Variants in GPR55 observed in about 807,000 individuals in gnomAD.
GPR55 encodes G-protein coupled receptor 55.
GPR55 carries 6 observed loss-of-function variants against 7.9 expected under a neutral mutation model. The ratio of observed to expected loss-of-function variants is 0.76; its 90% CI spans 0.41 to 1.49. The LOEUF is 1.49. Among genes scored for constraint, GPR55 ranks in the 40% most tolerant of loss-of-function variants. The pLI, the probability that GPR55 is intolerant of heterozygous loss-of-function variation, is 0.01. For missense variants in GPR55, 376 were observed against 406.0 expected (o/e 0.93, Z 0.63); for synonymous variants, 183 against 166.8 (o/e 1.10, Z -0.75).
chr2:230,952,647 G>A (rs965693845), intron 1 of GPR55, among the ~76,000 whole-genome samples: 12 of 152,218 alleles, frequency 7.9e-5, no homozygotes, highest in Admixed American at 7.2e-4. Flanking sequence ...GAAGCTCAGG[G>A]ACTGCAGAGA....
At chr2:230,920,424 A>G (rs1690806525) in intron 1 of GPR55, among the ~76,000 whole-genome samples, 1 of 152,180 alleles carries the variant, frequency 6.6e-6, no homozygotes, top group Admixed American at 6.5e-5. Context: ...TGGGAGTGTC[A>G]AGTGAGACAG....
intron 1 of GPR55, among the ~76,000 whole-genome samples, chr2:230,938,289 T>C (rs904569738): frequency 6.8e-6 from 1 of 147,954 alleles, no homozygotes; most frequent in Non-Finnish European, 1.5e-5. Flanking sequence ...GCCATCAGAG[T>C]GGGCTTTATA....
exon 1 of GPR55, chr2:230,960,862 G>A (rs1162697449): frequency 2.0e-5 from 3 of 152,082 alleles, no homozygotes; most frequent in African/African-American, 7.2e-5. Flanking sequence ...TGAGTGTTTG[G>A]GCTAGCTTAA....
At chr2:230,913,536 A>G (rs1690640556) in intron 1 of GPR55, among the ~76,000 whole-genome samples, 1 of 152,202 alleles carries the variant, frequency 6.6e-6, no homozygotes, top group Admixed American at 6.5e-5. Context: ...AGATTTATGT[A>G]ATGAGAGATC....
chr2:230,914,889 G>A (rs1395177595), intron 1 of GPR55, among the ~76,000 whole-genome samples: 2 of 152,218 alleles, frequency 1.3e-5, no homozygotes, highest in African/African-American at 4.8e-5. Context: ...AGGATAGTTG[G>A]GAGAGAGAGC....
intron 1 of GPR55, among the ~76,000 whole-genome samples, chr2:230,918,529 C>A (rs1404206041): frequency 6.6e-6 from 1 of 152,058 alleles, no homozygotes; most frequent in Non-Finnish European, 1.5e-5. Context: ...ATCCCCGTGC[C>A]CTATAAAGTA....
chr2:230,928,508 A>T (rs1690978845), upstream of GPR55: 1 of 152,164 alleles, frequency 6.6e-6, no homozygotes, highest in African/African-American at 2.4e-5. Flanking sequence ...TCTCCTAGGG[A>T]CCAGGCAGTG....
At chr2:230,922,564 A>G (rs1690863513) in intron 1 of GPR55, among the ~76,000 whole-genome samples, 1 of 151,724 alleles carries the variant, frequency 6.6e-6, no homozygotes, top group African/African-American at 2.4e-5. Context: ...TTGATTTTAA[A>G]ATTTATTTTT....
At position 230,911,666 on chromosome 2, in the gene GPR55, A is replaced by T. The variant is rs555771180; in HGVS notation, c.-134-570T>A. Among the ~76,000 whole-genome samples the T allele has an allele frequency of 4.6e-4, 70 of 152,336 alleles. 1 individual carries two copies. The highest frequency in any genetic ancestry group is 1.7e-3 in the African/African-American group (69 of 41,576). On this transcript the variant is annotated intron_variant, in intron 1 of 1. Transcript: ENST00000650999. The stretch of plus-strand genomic sequence containing the variant: ...GTCAGGGATTCATAGTTGCCAAGAT[A>T]TAAGGTCTGCAGCTGCTGCAGCCTC...
chr2:230,932,615 A>T (rs569028218), intron 1 of GPR55, among the ~76,000 whole-genome samples: 15 of 152,298 alleles, frequency 9.8e-5, no homozygotes, highest in Non-Finnish European at 1.8e-4. Context: ...CATTACAAGG[A>T]CAGTCTCCAC....
At position 230,909,853 on chromosome 2, in the gene GPR55, T is replaced by C. The variant is rs1690543410; in HGVS notation, c.*150A>G. ...TGGAAAAAAGGTCTTTGGGGTATAA[T>C]GAGCAAAGCTGGCACTCAATGGGCA... On this transcript the variant is annotated 3_prime_UTR_variant, in exon 2 of 2. Transcript: ENST00000650999. 1.3e-6 allele frequency: 1 copy of C among 796,680 alleles called. No individual in the cohort carries two copies. The highest frequency in any genetic ancestry group is 1.7e-5 in the African/African-American group (1 of 58,118). The allele number at this position is 796,680 out of a possible 1,614,324, so 49.4% of individuals were successfully genotyped here. A position where few individuals can be genotyped will look rare whatever the true frequency, so the allele number is the denominator to read the frequency against.
intron 1 of GPR55, among the ~76,000 whole-genome samples, chr2:230,916,396 T>A (rs1690716947): frequency 6.6e-6 from 1 of 151,736 alleles, no homozygotes; most frequent in Non-Finnish European, 1.5e-5. Flanking sequence ...TGGTGGCTCG[T>A]GCCTGTGGTC....
chr2:230,910,737 A>T lies in GPR55; in HGVS notation c.226T>A (p.Ser76Thr), dbSNP rs1156273598. ...LAVFDLLLVL[S>T]LPFKMVLSQV... ...GACAGGACCATCTTGAATGGGAGGG[A>T]GAGCACCAGCAGCAGGTCAAAGACT... Residue 76 changes from serine to threonine, a missense_variant, in exon 2 of 2, where the codon TCC becomes ACC. Transcript: ENST00000650999. This position sits in a 1 kb window ranked among gnomAD's most constrained non-coding sequence, Gnocchi z 5.4. The T allele has an allele frequency of 6.2e-7, 1 of 1,613,968 alleles. No individual in the cohort carries two copies. The highest frequency in any genetic ancestry group is 1.7e-5 in the Admixed American group (1 of 60,010).
Position 230,925,169 on chromosome 2 carries a change from T to G in GPR55, c.-136A>C, listed in dbSNP as rs1690921426. 6.5e-6 allele frequency: 1 copy of G among 152,742 alleles called. No homozygotes were observed. The highest frequency in any genetic ancestry group is 1.5e-5 in the Non-Finnish European group (1 of 68,108). The allele number at this position is 152,742 out of a possible 1,614,324, so 9.5% of individuals were successfully genotyped here. On this transcript the variant is annotated splice_region_variant and 5_prime_UTR_variant, in exon 1 of 2. Coordinates refer to ENST00000650999, the MANE Select transcript of GPR55 (RefSeq NM_005683.4). ...TCTAAATGGCCCAGAGGCTGTTACC[T>G]GTTGGTGGTCCGGTGCAGCTGAGAG...
intron 1 of GPR55, among the ~76,000 whole-genome samples, chr2:230,938,748 C>T (rs1367776309): frequency 2.0e-5 from 3 of 152,226 alleles, no homozygotes; most frequent in Non-Finnish European, 4.4e-5. Flanking sequence ...GGCACTGGGG[C>T]AGCCATGTGG....
intron 1 of GPR55, among the ~76,000 whole-genome samples, chr2:230,915,877 A>T (rs1690702195): frequency 6.6e-6 from 1 of 151,626 alleles, no homozygotes; most frequent in Non-Finnish European, 1.5e-5. Context: ...AGCAAGTCTC[A>T]GGTGGATGTG....
intron 1 of GPR55, among the ~76,000 whole-genome samples, chr2:230,919,490 T>A (rs1223350423): frequency 6.6e-6 from 1 of 152,098 alleles, no homozygotes; most frequent in East Asian, 1.9e-4. Flanking sequence ...CAGAAGAGGA[T>A]TTACAAAGAG....
intron 1 of GPR55, among the ~76,000 whole-genome samples, chr2:230,937,344 C>T (rs573025642): frequency 6.6e-6 from 1 of 151,132 alleles, no homozygotes; most frequent in African/African-American, 2.5e-5. Context: ...GTTAGAGGCT[C>T]CCGTGAGTCG....
chr2:230,925,590 G>A (rs140574070), upstream of GPR55, among the ~76,000 whole-genome samples: 4 of 152,306 alleles, frequency 2.6e-5, no homozygotes, highest in Admixed American at 1.3e-4. Context: ...CCTAACAGGG[G>A]CACCACACAG....
Sources: gnomAD v4.1 joint callset for allele counts (sites outside exome capture counted in the v4.1 genomes callset) on GRCh38, gnomAD v4.1.1 for gene constraint, Gnocchi (gnomAD v3.1) non-coding constraint, MANE v1.5 for transcripts, NCBI Gene and HGNC (gene_info 2026-07-23, HGNC 2026-07-21) for gene names.